LCLAT1: variants seen among roughly 807,000 people sequenced by gnomAD.
LCLAT1 encodes the protein 1-AGP acyltransferase 8.
In LCLAT1, 11 loss-of-function variants were observed where a neutral mutation model predicts 30.7. The ratio of observed to expected loss-of-function variants is 0.36; its 90% CI spans 0.23 to 0.59. The LOEUF (loss-of-function observed/expected upper bound fraction) is 0.59, where lower values mean the gene tolerates loss of function less well. Among genes scored for constraint, LCLAT1 ranks in the 20% least tolerant of loss-of-function variants. The probability of loss-of-function intolerance (pLI) is 0.77; values close to 1 mark genes in which losing one functional copy is unlikely to be tolerated. For missense variants in LCLAT1, 402 were observed against 458.6 expected (o/e 0.88, Z 1.13); for synonymous variants, 155 against 151.3 (o/e 1.02, Z -0.18).
intron 5 of LCLAT1, 125 bp from the exon 6 acceptor site, chr2:30,639,992 G>C (rs1227967499): frequency 1.4e-6 from 1 of 713,212 alleles, no homozygotes; most frequent in Non-Finnish European, 2.4e-6. Context: ...TCTAACCCTT[G>C]TTTGTTCATT....
chr2:30,589,553 C>CA (rs1309009587), intron 5 of LCLAT1, among the ~76,000 whole-genome samples: 1 of 151,896 alleles, frequency 6.6e-6, no homozygotes, highest in Non-Finnish European at 1.5e-5. Context: ...AGACATACAA[C>CA]AGAGTAAGAA....
chr2:30,586,984 C>T (rs970245252), intron 5 of LCLAT1, among the ~76,000 whole-genome samples: 1 of 152,186 alleles, frequency 6.6e-6, no homozygotes, highest in African/African-American at 2.4e-5. Context: ...TCATCACACC[C>T]TTATTCCCTA....
chr2:30,614,991 A>T (rs761851479), intron 5 of LCLAT1, among the ~76,000 whole-genome samples: 4 of 152,132 alleles, frequency 2.6e-5, no homozygotes, highest in East Asian at 1.9e-4. Flanking sequence ...TGGTGGAATG[A>T]TGAGGGCAGA....
intron 5 of LCLAT1, among the ~76,000 whole-genome samples, chr2:30,570,489 A>G (rs1665732489): frequency 6.6e-6 from 1 of 152,304 alleles, no homozygotes. Flanking sequence ...CTTCACAACA[A>G]CTGTACATGG....
At chr2:30,484,657 G>C (rs1172473734) in intron 1 of LCLAT1, among the ~76,000 whole-genome samples, 1 of 152,182 alleles carries the variant, frequency 6.6e-6, no homozygotes, top group East Asian at 1.9e-4. Flanking sequence ...GGAAAGCTTG[G>C]CCACACATTC....
chr2:30,624,892 A>G (rs1668432522), intron 5 of LCLAT1, among the ~76,000 whole-genome samples: 1 of 152,226 alleles, frequency 6.6e-6, no homozygotes, highest in South Asian at 2.1e-4. Flanking sequence ...AATTCGAGAA[A>G]AATGAAATTA....
At chr2:30,537,119 C>T (rs1432973327) in intron 3 of LCLAT1, among the ~76,000 whole-genome samples, 2 of 152,168 alleles carry the variant, frequency 1.3e-5, no homozygotes, top group Non-Finnish European at 2.9e-5. Context: ...CGGTGGCTCA[C>T]GCCTGTAATC....
rs117814375 is a variant in LCLAT1, at chr2:30,606,030, G to A, written c.629-34087G>A. ...CTGTTGATCAGGCAGGAGGCAGAGC[G>A]AGGGAAGTAAAGGACCACTTCAAGG... is the stretch of plus-strand genomic sequence containing the variant. On this transcript the variant is annotated intron_variant, in intron 5 of 5. Coordinates refer to ENST00000379509, the MANE Select transcript of LCLAT1 (RefSeq NM_001002257.3). The A allele has an allele frequency of 3.7e-4, 482 of 1,298,980 alleles. 4 individuals carry two copies. The East Asian group carries it at 6.5e-3, about 18-fold the overall frequency. The allele number at this position is 1,298,980 out of a possible 1,614,324, so 80.5% of individuals were successfully genotyped here. A position where few individuals can be genotyped will look rare whatever the true frequency, so the allele number is the denominator to read the frequency against.
Position 30,640,516 on chromosome 2 carries a change from T to C in LCLAT1, c.1028T>C (p.Phe343Ser). 1.2e-6 allele frequency: 2 copies of C among 1,614,176 alleles called. No individual in the cohort carries two copies. The highest frequency in any genetic ancestry group is 1.7e-6 in the Non-Finnish European group (2 of 1,180,008). The change falls in exon 6 of 6, where the codon TTT becomes TCT. Residue 343 changes from phenylalanine (F) to serine (S), a missense_variant. Coordinates refer to ENST00000379509, the MANE Select transcript of LCLAT1 (RefSeq NM_001002257.3). ...KWYFIITIVI[F>S]VLQERIFGGL... Reference sequence around the variant, plus strand: ...TATTTTATAATCACCATTGTAATCTTTGTGCTGCAAGAGAGAATATTTGGT... The same window carrying C: ...TATTTTATAATCACCATTGTAATCTCTGTGCTGCAAGAGAGAATATTTGGT...
chr2:30,590,700 AATT>A (rs1405283789), intron 5 of LCLAT1, among the ~76,000 whole-genome samples: 14 of 151,940 alleles, frequency 9.2e-5, no homozygotes, highest in African/African-American at 3.4e-4. Context: ...TTCAGAAACT[AATT>A]ATTTAGCAGC....
rs556658875 is a variant in LCLAT1 at position 30,529,386 on chromosome 2, G to A, written c.165+3631G>A. On this transcript the variant is annotated intron_variant, in intron 2 of 5. Coordinates refer to ENST00000379509, the MANE Select transcript of LCLAT1 (RefSeq NM_001002257.3). ...AACCTAACTCTGTGGGCAAGAATCC[G>A]TTCTAGAACTATCTGCAGGGTGACC... 2.4e-4 allele frequency among the ~76,000 whole-genome samples: 37 copies of A among 152,330 alleles called. No individual in the cohort carries two copies. In the Middle Eastern group the frequency reaches 0.01, roughly 42 times the overall value.
chr2:30,633,546 C>T (rs188457844), intron 5 of LCLAT1, among the ~76,000 whole-genome samples: 5 of 152,020 alleles, frequency 3.3e-5, no homozygotes, highest in Middle Eastern at 3.4e-3. Context: ...ATTAGCTGGG[C>T]GTGGTGTGTG....
chr2:30,465,967 AT>A (rs1220735236), intron 1 of LCLAT1, among the ~76,000 whole-genome samples: 1 of 149,052 alleles, frequency 6.7e-6, no homozygotes, highest in Non-Finnish European at 1.5e-5. Flanking sequence ...GTTACAATTA[AT>A]TTTTTTCTGA....
intron 3 of LCLAT1, among the ~76,000 whole-genome samples, chr2:30,546,871 A>G (rs1013370112): frequency 6.6e-6 from 1 of 152,012 alleles, no homozygotes; most frequent in African/African-American, 2.4e-5. Flanking sequence ...TTAATTCAAC[A>G]CAATTTCATG....
At chr2:30,568,864 CAAAAAA>C (rs61325694) in intron 5 of LCLAT1, among the ~76,000 whole-genome samples, 8 of 89,116 alleles carry the variant, frequency 9.0e-5, no homozygotes, top group Admixed American at 7.7e-4. Flanking sequence ...TCATGAATAG[CAAAAAA>C]AAAAAAAAAA....
chr2:30,512,222 T>C (rs576840751), intron 1 of LCLAT1, among the ~76,000 whole-genome samples: 1 of 152,306 alleles, frequency 6.6e-6, no homozygotes, highest in African/African-American at 2.4e-5. Flanking sequence ...ACACATTTGT[T>C]TTTATCAAAA....
intron 1 of LCLAT1, among the ~76,000 whole-genome samples, chr2:30,462,750 G>T (rs1170101057): frequency 6.6e-6 from 1 of 152,088 alleles, no homozygotes; most frequent in African/African-American, 2.4e-5. Context: ...TATGTTATAA[G>T]AATTACCTTT....
chr2:30,540,992 T>C (rs939107064), intron 3 of LCLAT1, among the ~76,000 whole-genome samples: 4 of 152,190 alleles, frequency 2.6e-5, no homozygotes, highest in African/African-American at 9.7e-5. Flanking sequence ...GTAATGAGGC[T>C]GGACATTTTT....
At chr2:30,537,367 G>A (rs1263205484) in intron 3 of LCLAT1, among the ~76,000 whole-genome samples, 3 of 146,230 alleles carry the variant, frequency 2.1e-5, no homozygotes, top group African/African-American at 7.6e-5. Context: ...CGGCCTGGGC[G>A]ACAGAGCGAG....
Sources: gnomAD v4.1 joint callset for allele counts (sites outside exome capture counted in the v4.1 genomes callset) on GRCh38, gnomAD v4.1.1 for gene constraint, MANE v1.5 for transcripts, NCBI Gene and HGNC (gene_info 2026-07-23, HGNC 2026-07-21) for gene names.